Variants in GRID1 observed in about 807,000 individuals in gnomAD.
The protein encoded by GRID1 is glutamate ionotropic receptor delta type subunit 1.
In GRID1, 28 loss-of-function variants were observed where a neutral mutation model predicts 98.0. The observed-to-expected ratio is 0.29, with a 90% confidence interval of 0.21 to 0.39. The LOEUF is 0.39. Ranked by LOEUF, GRID1 falls within the 10% of genes least tolerant of loss-of-function variation. The pLI is 1.00. For missense variants in GRID1, 1,111 were observed against 1,340.5 expected (o/e 0.83, Z 2.67); for synonymous variants, 553 against 538.5 (o/e 1.03, Z -0.37).
intron 4 of GRID1, among the ~76,000 whole-genome samples, chr10:86,107,505 G>A (rs1243155567): frequency 6.6e-6 from 1 of 152,224 alleles, no homozygotes; most frequent in African/African-American, 2.4e-5. Flanking sequence ...GATACAGAAT[G>A]GGGGAAGGGA....
intron 4 of GRID1, among the ~76,000 whole-genome samples, chr10:85,959,764 T>C (rs979165272): frequency 1.1e-4 from 16 of 152,268 alleles, no homozygotes; most frequent in African/African-American, 3.6e-4. Context: ...ACTATTTGTT[T>C]ATCTATTCAC....
intron 10 of GRID1, among the ~76,000 whole-genome samples, chr10:85,726,774 A>G (rs971472406): frequency 3.9e-5 from 6 of 152,236 alleles, no homozygotes; most frequent in Admixed American, 3.3e-4. Context: ...TGGGAATGGC[A>G]TTAACTATAA....
At chr10:86,295,211 C>A (rs1383228423) in intron 2 of GRID1, among the ~76,000 whole-genome samples, 1 of 151,990 alleles carries the variant, frequency 6.6e-6, no homozygotes, top group African/African-American at 2.4e-5. Flanking sequence ...AGGAAGTGGA[C>A]CAAGCGCAGG....
At chr10:86,103,290 G>A (rs1844326383) in intron 4 of GRID1, among the ~76,000 whole-genome samples, 1 of 152,172 alleles carries the variant, frequency 6.6e-6, no homozygotes. Flanking sequence ...CTGCCACTCT[G>A]CCACCTGAGG....
intron 8 of GRID1, among the ~76,000 whole-genome samples, chr10:85,730,396 C>G: frequency 6.6e-6 from 1 of 152,154 alleles, no homozygotes; most frequent in South Asian, 2.1e-4. Flanking sequence ...GTCTGGGAAA[C>G]GATTCTCGAC....
chr10:86,285,424 G>A (rs1227315153), intron 2 of GRID1, among the ~76,000 whole-genome samples: 1 of 152,216 alleles, frequency 6.6e-6, no homozygotes, highest in Non-Finnish European at 1.5e-5. Context: ...TGCAGCCAGG[G>A]AGACTCCAGC....
chr10:86,006,959 G>C (rs1384321869), intron 4 of GRID1, among the ~76,000 whole-genome samples: 2 of 152,080 alleles, frequency 1.3e-5, no homozygotes, highest in African/African-American at 2.4e-5. Context: ...AGAAGGGATG[G>C]TAAACTACCC....
intron 12 of GRID1, among the ~76,000 whole-genome samples, chr10:85,713,402 A>T (rs556031641): frequency 5.9e-5 from 9 of 151,888 alleles, no homozygotes; most frequent in South Asian, 2.1e-4. Context: ...TAAGATTGAA[A>T]CAGTAATCAG....
At chr10:85,680,537 A>C (rs1170909048) in intron 12 of GRID1, among the ~76,000 whole-genome samples, 1 of 152,258 alleles carries the variant, frequency 6.6e-6, no homozygotes, top group Non-Finnish European at 1.5e-5. Flanking sequence ...GATGTAAATT[A>C]GCACAAGCCC....
intron 12 of GRID1, among the ~76,000 whole-genome samples, chr10:85,684,510 A>G (rs537450068): frequency 2.8e-4 from 43 of 152,320 alleles, no homozygotes; most frequent in African/African-American, 9.9e-4. Flanking sequence ...CAGATATAGA[A>G]AAAGCATTTT....
chr10:85,921,644 C>T (rs1841705223), intron 4 of GRID1, among the ~76,000 whole-genome samples: 1 of 152,210 alleles, frequency 6.6e-6, no homozygotes, highest in East Asian at 1.9e-4. Flanking sequence ...AGGGTGGAGG[C>T]AGCTCTCCTA....
At chr10:85,895,816 G>A (rs892697638) in intron 5 of GRID1, among the ~76,000 whole-genome samples, 4 of 152,106 alleles carry the variant, frequency 2.6e-5, no homozygotes, top group African/African-American at 7.2e-5. Context: ...CAGATGATCC[G>A]AGGAAAATGA....
At chr10:86,155,174 G>A (rs542293201) in intron 3 of GRID1, among the ~76,000 whole-genome samples, 41 of 152,212 alleles carry the variant, frequency 2.7e-4, no homozygotes, top group Non-Finnish European at 5.1e-4. Flanking sequence ...CTCTGCCCAG[G>A]CCAGCACCAC....
intron 13 of GRID1, among the ~76,000 whole-genome samples, chr10:85,624,504 A>G (rs912472542): frequency 5.3e-5 from 8 of 152,226 alleles, no homozygotes; most frequent in African/African-American, 1.9e-4. Context: ...AGAGCCCTTC[A>G]GGACTAGATA....
At chr10:86,057,833 T>A (rs1026811636) in intron 4 of GRID1, among the ~76,000 whole-genome samples, 2 of 152,236 alleles carry the variant, frequency 1.3e-5, no homozygotes, top group Non-Finnish European at 2.9e-5. Context: ...TTAATGTCTG[T>A]CTTTCCCACA....
intron 8 of GRID1, among the ~76,000 whole-genome samples, chr10:85,777,277 C>T (rs1045721331): frequency 1.6e-4 from 24 of 152,196 alleles, no homozygotes; most frequent in African/African-American, 5.6e-4. Flanking sequence ...CCCCTGGGCC[C>T]TCCTTTCTCC....
chr10:85,896,133 C>A (rs1294134363), intron 5 of GRID1, among the ~76,000 whole-genome samples: 1 of 152,136 alleles, frequency 6.6e-6, no homozygotes, highest in East Asian at 1.9e-4. Context: ...TTCATTCATT[C>A]ACTTCTATTG....
At chr10:86,198,137 TTTTACTTCAGGAAGAC>T (rs1331628961) in intron 3 of GRID1, among the ~76,000 whole-genome samples, 1 of 152,070 alleles carries the variant, frequency 6.6e-6, no homozygotes, top group Non-Finnish European at 1.5e-5. Context: ...TTCCACGGAA[TTTTACTTCAGGAAGAC>T]TCTGGGGGTG....
At chr10:86,263,493 T>A (rs1847052759) in intron 2 of GRID1, among the ~76,000 whole-genome samples, 1 of 152,142 alleles carries the variant, frequency 6.6e-6, no homozygotes, top group Admixed American at 6.5e-5. Context: ...CGCCGTGGCC[T>A]TTCACCTGCA....
Sources: gnomAD v4.1 joint callset for allele counts (sites outside exome capture counted in the v4.1 genomes callset) on GRCh38, gnomAD v4.1.1 for gene constraint, MANE v1.5 for transcripts, NCBI Gene and HGNC (gene_info 2026-07-23, HGNC 2026-07-21) for gene names.